AAMDC: variants seen among roughly 807,000 people sequenced by gnomAD.
AAMDC encodes the protein adipogenesis associated Mth938 domain containing, also known as mth938 domain-containing protein.
In AAMDC, 16 loss-of-function variants were observed where a neutral mutation model predicts 15.5. That is an observed-to-expected ratio of 1.03 (90% CI 0.70 to 1.57). The LOEUF (loss-of-function observed/expected upper bound fraction) is 1.57, where lower values mean the gene tolerates loss of function less well. Among genes scored for constraint, AAMDC ranks in the 40% most tolerant of loss-of-function variants. The probability of loss-of-function intolerance (pLI) is 0.00; values close to 1 mark genes in which losing one functional copy is unlikely to be tolerated. For missense variants in AAMDC, 141 were observed against 144.9 expected (o/e 0.97, Z 0.14); for synonymous variants, 51 against 51.6 (o/e 0.99, Z 0.05).
At chr11:77,859,021 T>C (rs534407650) in intron 2 of AAMDC, among the ~76,000 whole-genome samples, 1 of 152,356 alleles carries the variant, frequency 6.6e-6, no homozygotes, top group African/African-American at 2.4e-5. Flanking sequence ...AGTAATGATT[T>C]GGCCATCTGA....
chr11:77,849,053 T>A (rs1176814423), intron 2 of AAMDC, among the ~76,000 whole-genome samples: 1 of 150,544 alleles, frequency 6.6e-6, no homozygotes, highest in Admixed American at 6.6e-5. Context: ...TTTTTTTTTT[T>A]AAAGATGGGG....
chr11:77,822,175 C>G (rs192086629), intron 1 of AAMDC, among the ~76,000 whole-genome samples: 73 of 152,108 alleles, frequency 4.8e-4, no homozygotes, highest in Non-Finnish European at 7.9e-4. Flanking sequence ...CGCGGTGGCT[C>G]ATGCCTGTAA....
chr11:77,857,727 C>A (rs1443221277), intron 2 of AAMDC, among the ~76,000 whole-genome samples: 1 of 147,972 alleles, frequency 6.8e-6, no homozygotes, highest in African/African-American at 2.5e-5. Flanking sequence ...GATGGAGTCT[C>A]GCTCTGTCAC....
intron 1 of AAMDC, among the ~76,000 whole-genome samples, chr11:77,825,493 TTAAG>T (rs1949127352): frequency 6.6e-6 from 1 of 152,164 alleles, no homozygotes; most frequent in South Asian, 2.1e-4. Flanking sequence ...GAAAAAGCTA[TTAAG>T]TGTCAACAGA....
At chr11:77,828,831 A>C (rs1055321882) in intron 1 of AAMDC, among the ~76,000 whole-genome samples, 5 of 152,212 alleles carry the variant, frequency 3.3e-5, no homozygotes, top group Non-Finnish European at 7.3e-5. Flanking sequence ...TTCACTCTCC[A>C]TCAAAATTCC....
chr11:77,893,891 T>TAAATAAATAAA (rs1223751680), intron 5 of AAMDC, among the ~76,000 whole-genome samples: 6 of 137,868 alleles, frequency 4.4e-5, no homozygotes, highest in African/African-American at 8.1e-5. Flanking sequence ...AGACTCTGTC[T>TAAATAAATAAA]TAAATAAATA....
intron 3 of AAMDC, among the ~76,000 whole-genome samples, chr11:77,870,312 G>A (rs1019666823): frequency 2.8e-5 from 4 of 144,056 alleles, no homozygotes; most frequent in East Asian, 4.0e-4. Flanking sequence ...GAGCTACCAC[G>A]TCTGGCCTAT....
chr11:77,822,193 A>T (rs1356914038), intron 1 of AAMDC, among the ~76,000 whole-genome samples: 1 of 152,000 alleles, frequency 6.6e-6, no homozygotes, highest in East Asian at 1.9e-4. Flanking sequence ...TAATCCCAAC[A>T]CTTTGGGAAA....
At chr11:77,858,650 A>C (rs555238801) in intron 2 of AAMDC, among the ~76,000 whole-genome samples, 1 of 152,078 alleles carries the variant, frequency 6.6e-6, no homozygotes, top group African/African-American at 2.4e-5. Flanking sequence ...GGAAAACCCA[A>C]GTGCTGTTGG....
intron 2 of AAMDC, among the ~76,000 whole-genome samples, chr11:77,868,140 C>A (rs1392215742): frequency 6.6e-6 from 1 of 150,680 alleles, no homozygotes; most frequent in East Asian, 2.0e-4. Flanking sequence ...ACTGCAAGCT[C>A]TGCCTCCCAG....
chr11:77,884,671 C>T (rs658398), intron 5 of AAMDC: 80,162 of 215,828 alleles, frequency 0.37, 15,564 homozygotes, highest in African/African-American at 0.46. Flanking sequence ...GTTGAAACTG[C>T]GGAAGGCATG....
chr11:77,853,322 C>A (rs777370524), intron 2 of AAMDC, among the ~76,000 whole-genome samples: 22 of 152,048 alleles, frequency 1.4e-4, no homozygotes, highest in Non-Finnish European at 3.1e-4. Context: ...ATAGGCTGTA[C>A]AGGAAGCATT....
chr11:77,886,581 G>A (rs1264207195), intron 5 of AAMDC, among the ~76,000 whole-genome samples: 4 of 152,290 alleles, frequency 2.6e-5, no homozygotes, highest in Admixed American at 1.3e-4. Context: ...AATTAGTGAC[G>A]CACATGAATG....
intron 1 of AAMDC, among the ~76,000 whole-genome samples, chr11:77,839,073 T>C (rs1257855117): frequency 1.3e-5 from 2 of 152,244 alleles, no homozygotes; most frequent in Non-Finnish European, 2.9e-5. Context: ...CTACTTTCTT[T>C]GAAGTCTTTG....
At chr11:77,889,678 A>G (rs1020068720) in intron 5 of AAMDC, among the ~76,000 whole-genome samples, 9 of 152,200 alleles carry the variant, frequency 5.9e-5, no homozygotes, top group Admixed American at 2.0e-4. Flanking sequence ...CTATATCTCT[A>G]TTGAGCACCT....
Position 77,855,604 on chromosome 11 carries a change from C to T in AAMDC, c.132+12976C>T, listed in dbSNP as rs376352730. ...TTGGCCTCCCAAAGTGCTGGGATTA[C>T]AGGTGTGAGCCACCACGCCTGGCCT... On this transcript the variant is annotated intron_variant, in intron 2 of 3. Coordinates refer to ENST00000393427, the MANE Select transcript of AAMDC (RefSeq NM_024684.4). The T allele has an allele frequency of 7.8e-3, 1,172 of 150,974 alleles. 12 individuals carry two copies. The highest frequency in any genetic ancestry group is 0.026 in the African/African-American group (1,078 of 41,244). 9.4% of individuals were successfully genotyped at this position (150,974 alleles called of 1,614,324 possible). A position where few individuals can be genotyped will look rare whatever the true frequency, so the allele number is the denominator to read the frequency against.
downstream of AAMDC, among the ~76,000 whole-genome samples, chr11:77,872,646 G>T (rs1422284871): frequency 1.3e-5 from 2 of 152,202 alleles, no homozygotes; most frequent in East Asian, 3.9e-4. Flanking sequence ...GTTCTCTCTG[G>T]GCTTCAAATT....
chr11:77,882,459 T>C (rs1951831174), intron 5 of AAMDC, among the ~76,000 whole-genome samples: 2 of 152,314 alleles, frequency 1.3e-5, no homozygotes, highest in Non-Finnish European at 2.9e-5. Context: ...TTTGCTTTCC[T>C]GAGCCTTGTC....
chr11:77,904,728 G>A (rs1591037881), downstream of AAMDC, among the ~76,000 whole-genome samples: 1 of 152,068 alleles, frequency 6.6e-6, no homozygotes, highest in East Asian at 1.9e-4. Flanking sequence ...ATTAAGTTTG[G>A]GGATTAGATC....
Sources: allele counts gnomAD v4.1 joint callset (sites outside exome capture counted in the v4.1 genomes callset), GRCh38; gene constraint gnomAD v4.1.1; transcripts MANE v1.5; gene names NCBI Gene and HGNC (gene_info 2026-07-23, HGNC 2026-07-21).